The following PHLDB2 variants were observed in gnomAD, a reference collection of about 807,000 sequenced individuals.
The protein encoded by PHLDB2 is pleckstrin homology like domain family B member 2, also known as pleckstrin homology-like domain family B member 2.
PHLDB2 carries 71 observed loss-of-function variants against 123.6 expected under a neutral mutation model. The ratio of observed to expected loss-of-function variants is 0.57; its 90% CI spans 0.47 to 0.70. The LOEUF is 0.70. PHLDB2 is among the 30% of genes least tolerant of loss of function. PHLDB2 has a pLI of 0.00. For synonymous variants in PHLDB2, 547 were observed against 541.6 expected (o/e 1.01, Z -0.14); for missense variants, 1,446 against 1,519.5 (o/e 0.95, Z 0.80).
rs546159675 is a variant in PHLDB2, at chr3:111,840,000, C to A, written c.-48-5821C>A. On this transcript the variant is annotated intron_variant, in intron 1 of 17. Transcript: ENST00000393923. ...TGGTGGCTCATGCCTGTAATCCCAG[C>A]ACTTCGGGAGGCTGAGGCAGCAGAA... is the stretch of plus-strand genomic sequence containing the variant. Among the ~76,000 whole-genome samples the A allele has an allele frequency of 2.4e-3, 316 of 134,154 alleles. 1 individual carries two copies. Among genetic ancestry groups the A allele is most frequent in the African/African-American group, 7.6e-3 (266 of 35,002 alleles). 88.0% of individuals were successfully genotyped at this position (134,154 alleles called of 152,430 possible).
intron 12 of PHLDB2, among the ~76,000 whole-genome samples, chr3:111,959,620 T>G (rs1367815310): frequency 6.6e-6 from 1 of 152,246 alleles, no homozygotes; most frequent in Non-Finnish European, 1.5e-5. Context: ...CAAATTGTAA[T>G]GTAGCTGGCC....
In PHLDB2 at chr3:111,761,199, G is replaced by GA. The variant is rs1391170354; in HGVS notation, c.-49+28506dup. 1.2e-3 allele frequency among the ~76,000 whole-genome samples: 154 copies of GA among 133,482 alleles called. 2 individuals carry two copies. The highest frequency in any genetic ancestry group is 2.2e-3 in the South Asian group (9 of 4,118). 87.6% of individuals were successfully genotyped at this position (133,482 alleles called of 152,430 possible). A position where few individuals can be genotyped will look rare whatever the true frequency, so the allele number is the denominator to read the frequency against. On this transcript the variant is annotated intron_variant, in intron 1 of 17. Coordinates refer to the PHLDB2 transcript ENST00000393923. ...ACTCCATCTCAAAAAAAAAAAAAAAGAAAAAAAAAACTAAACACATTTGAA... is the reference window on the plus strand; with the variant it reads ...ACTCCATCTCAAAAAAAAAAAAAAAGAAAAAAAAAAACTAAACACATTTGAA...
chr3:111,944,676 TTTTTG>T (rs975196398), intron 8 of PHLDB2, among the ~76,000 whole-genome samples: 50 of 152,198 alleles, frequency 3.3e-4, no homozygotes, highest in Non-Finnish European at 5.6e-4. Flanking sequence ...GTTGGTTTTT[TTTTTG>T]TTTGTTTTGT....
rs1326616017 is a variant in PHLDB2 at position 111,780,412 on chromosome 3, A to AAGAAGAAGAAGAAG, written c.-49+47710_-49+47711insGAAGAAGAAGAAGA. 1.8e-4 allele frequency among the ~76,000 whole-genome samples: 21 copies of AAGAAGAAGAAGAAG among 116,772 alleles called. 3 individuals carry two copies. The highest frequency in any genetic ancestry group is 4.1e-4 in the African/African-American group (12 of 29,222). The allele number at this position is 116,772 out of a possible 152,430, so 76.6% of individuals were successfully genotyped here. A position where few individuals can be genotyped will look rare whatever the true frequency, so the allele number is the denominator to read the frequency against. On this transcript the variant is annotated intron_variant, in intron 1 of 17. Transcript: ENST00000393923. ...AGAAGAAGAAGAAGAAGAAGAAGAA[A>AAGAAGAAGAAGAAG]AAGATTAGTTCGGCCCAACTTTCTG... is the stretch of plus-strand genomic sequence containing the variant.
At chr3:111,896,257 A>G (rs1373711337) in intron 2 of PHLDB2, among the ~76,000 whole-genome samples, 1 of 152,038 alleles carries the variant, frequency 6.6e-6, no homozygotes, top group Admixed American at 6.6e-5. Context: ...CTGGCTTAGT[A>G]TATCTAAATT....
chr3:111,906,199 G>C (rs2067524200), intron 2 of PHLDB2, among the ~76,000 whole-genome samples: 1 of 152,186 alleles, frequency 6.6e-6, no homozygotes, highest in Non-Finnish European at 1.5e-5. Context: ...ATATAGGTTT[G>C]AGTAAGTACA....
chr3:111,961,712 G>A (rs972824616), intron 12 of PHLDB2, among the ~76,000 whole-genome samples: 2 of 152,136 alleles, frequency 1.3e-5, no homozygotes, highest in African/African-American at 4.8e-5. Context: ...TTGAAGAAGT[G>A]CCTGCCCTAA....
chr3:111,831,060 GAGAT>G lies in PHLDB2; in HGVS notation c.-48-14757_-48-14754del, dbSNP rs1321693637. On this transcript the variant is annotated intron_variant, in intron 1 of 17. Coordinates refer to the PHLDB2 transcript ENST00000393923. Reference sequence around the variant, plus strand: ...AAGGAAGGAAGAAAGAGAAAAGAGAGAGATAGAGAGAAAAGAAGGAAGAAAGAAA... The same window carrying G: ...AAGGAAGGAAGAAAGAGAAAAGAGAGAGAGAGAAAAGAAGGAAGAAAGAAA... Among the ~76,000 whole-genome samples, 833 of 146,864 alleles carry G rather than the reference GAGAT, an allele frequency of 5.7e-3. 29 individuals carry two copies. The highest frequency in any genetic ancestry group is 7.6e-3 in the Non-Finnish European group (503 of 66,088).
At chr3:111,748,550 A>G (rs1349930077) in intron 1 of PHLDB2, among the ~76,000 whole-genome samples, 4 of 151,390 alleles carry the variant, frequency 2.6e-5, no homozygotes, top group Non-Finnish European at 5.9e-5. Context: ...TTTTTTCTTG[A>G]GACACTTGTT....
chr3:111,818,533 T>C (rs1042031567), intron 1 of PHLDB2, among the ~76,000 whole-genome samples: 1 of 152,120 alleles, frequency 6.6e-6, no homozygotes, highest in Non-Finnish European at 1.5e-5. Context: ...TTCCACTCTC[T>C]AAGTTAAGAG....
intron 1 of PHLDB2, among the ~76,000 whole-genome samples, chr3:111,756,445 C>CTG (rs757303966): frequency 7.2e-5 from 11 of 152,020 alleles, no homozygotes; most frequent in Non-Finnish European, 1.0e-4. Flanking sequence ...GGTTTAAAGT[C>CTG]TTTTATCAGA....
intron 1 of PHLDB2, among the ~76,000 whole-genome samples, chr3:111,835,928 C>A (rs939524513): frequency 1.3e-5 from 2 of 152,182 alleles, no homozygotes; most frequent in Non-Finnish European, 2.9e-5. Context: ...AGCATCACTT[C>A]CACTAGTATT....
intron 10 of PHLDB2, among the ~76,000 whole-genome samples, chr3:111,951,119 A>C (rs2070687954): frequency 6.6e-6 from 1 of 152,210 alleles, no homozygotes; most frequent in African/African-American, 2.4e-5. Context: ...AGTGGGAGCT[A>C]GATTGAAGTG....
intron 2 of PHLDB2, among the ~76,000 whole-genome samples, chr3:111,900,587 T>C (rs1452884344): frequency 6.6e-6 from 1 of 152,210 alleles, no homozygotes; most frequent in Non-Finnish European, 1.5e-5. Flanking sequence ...TGGTTTGTGG[T>C]GTCCAAAACT....
intron 2 of PHLDB2, among the ~76,000 whole-genome samples, chr3:111,907,155 T>C (rs1169056805): frequency 1.3e-5 from 2 of 152,182 alleles, no homozygotes; most frequent in Non-Finnish European, 2.9e-5. Flanking sequence ...GAGCAGTGTC[T>C]CCACACAAGA....
At chr3:111,793,971 AGTTGG>A (rs2061037879) in intron 1 of PHLDB2, among the ~76,000 whole-genome samples, 1 of 151,042 alleles carries the variant, frequency 6.6e-6, no homozygotes, top group Non-Finnish European at 1.5e-5. Flanking sequence ...TGCTGCCTGG[AGTTGG>A]GGGAGGGGTA....
intron 1 of PHLDB2, among the ~76,000 whole-genome samples, chr3:111,877,672 T>G (rs190721103): frequency 6.6e-6 from 1 of 152,290 alleles, no homozygotes; most frequent in African/African-American, 2.4e-5. Context: ...ATTGCCTAGG[T>G]TTTCTTCTAG....
chr3:111,932,532 G>A, intron 6 of PHLDB2, 135 bp downstream of exon 6: 1 of 864,588 alleles, frequency 1.2e-6, no homozygotes, highest in Non-Finnish European at 1.7e-6. Flanking sequence ...ACGTTTAAAT[G>A]GAAATATGCA....
At chr3:111,823,964 AT>A (rs2062528825) in intron 1 of PHLDB2, among the ~76,000 whole-genome samples, 1 of 152,192 alleles carries the variant, frequency 6.6e-6, no homozygotes, top group African/African-American at 2.4e-5. Flanking sequence ...GGGATTACTC[AT>A]AAAAAGTTTC....
Sources: gnomAD v4.1 joint callset for allele counts (sites outside exome capture counted in the v4.1 genomes callset) on GRCh38, gnomAD v4.1.1 for gene constraint, MANE v1.5 for transcripts, NCBI Gene and HGNC (gene_info 2026-07-23, HGNC 2026-07-21) for gene names.